The following TOP6BL variants were observed in gnomAD, a reference collection of about 807,000 sequenced individuals.
TOP6BL encodes the protein type 2 DNA topoisomerase 6 subunit B-like.
chr11:66,796,324 T>C, the TOP6BL span: 1 of 1,611,170 alleles, frequency 6.2e-7, no homozygotes, highest in Non-Finnish European at 8.5e-7. Flanking sequence ...TGTCTGGTTA[T>C]AAAGCATTTT....
the TOP6BL span, among the ~76,000 whole-genome samples, chr11:66,821,112 G>A: frequency 1.3e-5 from 2 of 152,000 alleles, no homozygotes; most frequent in South Asian, 2.1e-4. Context: ...TAAAGAACTC[G>A]GATTCCTCAG....
the TOP6BL span, among the ~76,000 whole-genome samples, chr11:66,797,033 T>C: frequency 2.0e-5 from 3 of 147,626 alleles, no homozygotes; most frequent in Non-Finnish European, 3.0e-5. Context: ...AGAGTCTTAC[T>C]CTGTTGCTTA....
the TOP6BL span, among the ~76,000 whole-genome samples, chr11:66,763,896 C>T: frequency 6.6e-6 from 1 of 152,192 alleles, no homozygotes; most frequent in African/African-American, 2.4e-5. Context: ...GTGAGCCACC[C>T]TGCCCAGCCA....
the TOP6BL span, chr11:66,839,258 A>G: frequency 1.1e-5 from 5 of 454,414 alleles, no homozygotes; most frequent in African/African-American, 8.0e-5. Context: ...TCTCAAAACT[A>G]TCCTAGGAGC....
the TOP6BL span, among the ~76,000 whole-genome samples, chr11:66,784,197 A>T: frequency 6.6e-6 from 1 of 150,576 alleles, no homozygotes; most frequent in Non-Finnish European, 1.5e-5. Context: ...AGCCTGGCTA[A>T]TTTTTTTTTG....
At chr11:66,811,202 C>T in the TOP6BL span, among the ~76,000 whole-genome samples, 1 of 152,142 alleles carries the variant, frequency 6.6e-6, no homozygotes, top group Admixed American at 6.6e-5. Flanking sequence ...GAGTCTCACT[C>T]TGTTGCCCAG....
the TOP6BL span, among the ~76,000 whole-genome samples, chr11:66,746,345 G>T: frequency 6.6e-6 from 1 of 151,986 alleles, no homozygotes; most frequent in Non-Finnish European, 1.5e-5. Context: ...TCAGCACTTT[G>T]GGAGACCGAG....
chr11:66,759,213 G>T, the TOP6BL span: 1 of 644,168 alleles, frequency 1.6e-6, no homozygotes. Context: ...TAAAAATACA[G>T]GATGCCCACT....
the TOP6BL span, chr11:66,843,407 A>C: frequency 7.0e-7 from 1 of 1,424,974 alleles, no homozygotes; most frequent in Non-Finnish European, 9.1e-7. Context: ...GACGTCACCC[A>C]CACCTCCCTG....
At chr11:66,772,118 T>A in the TOP6BL span, among the ~76,000 whole-genome samples, 1 of 152,162 alleles carries the variant, frequency 6.6e-6, no homozygotes, top group Non-Finnish European at 1.5e-5. Flanking sequence ...CCCTTATGGA[T>A]GACTTTGAGG....
chr11:66,839,759 CAGAAG>C, the TOP6BL span, among the ~76,000 whole-genome samples: 8 of 152,276 alleles, frequency 5.3e-5, no homozygotes, highest in African/African-American at 1.7e-4. Context: ...TTTATGCAGT[CAGAAG>C]AGACAAAGGA....
chr11:66,759,740 C>T, the TOP6BL span, among the ~76,000 whole-genome samples: 1 of 152,144 alleles, frequency 6.6e-6, no homozygotes, highest in Non-Finnish European at 1.5e-5. Context: ...CATGCTGCCA[C>T]ACCCAGCTAA....
chr11:66,828,794 A>C, the TOP6BL span: 1 of 159,534 alleles, frequency 6.3e-6, no homozygotes, highest in Non-Finnish European at 1.4e-5. Flanking sequence ...ACTACCAGCT[A>C]CACCTGGAAT....
chr11:66,821,800 T>C, the TOP6BL span: 1 of 1,606,036 alleles, frequency 6.2e-7, no homozygotes, highest in Admixed American at 1.7e-5. Context: ...TCTCCTATTC[T>C]CTAAGAAAAA....
chr11:66,772,815 A>G, the TOP6BL span, among the ~76,000 whole-genome samples: 2 of 152,166 alleles, frequency 1.3e-5, no homozygotes, highest in African/African-American at 4.8e-5. Flanking sequence ...GGATATGTGT[A>G]ATTTTCTTTT....
chr11:66,806,657 A>C, the TOP6BL span, among the ~76,000 whole-genome samples: 1 of 152,134 alleles, frequency 6.6e-6, no homozygotes, highest in South Asian at 2.1e-4. Context: ...AGTCCCAGCT[A>C]CTCGGGAGAC....
the TOP6BL span, among the ~76,000 whole-genome samples, chr11:66,837,071 T>C: frequency 6.6e-6 from 1 of 152,168 alleles, no homozygotes. Flanking sequence ...GTAAATGTCT[T>C]CTCCCATTCT....
chr11:66,779,942 T>A, the TOP6BL span, among the ~76,000 whole-genome samples: 1 of 139,414 alleles, frequency 7.2e-6, no homozygotes, highest in Admixed American at 8.3e-5. Flanking sequence ...TTCTCACTCA[T>A]AGGTGGGAAT....
the TOP6BL span, among the ~76,000 whole-genome samples, chr11:66,812,245 C>T: frequency 1.4e-5 from 2 of 146,186 alleles, no homozygotes; most frequent in Admixed American, 7.0e-5. Flanking sequence ...GGCGCAATCT[C>T]GGCTCACTGT....
Sources: allele counts gnomAD v4.1 joint callset (sites outside exome capture counted in the v4.1 genomes callset), GRCh38; gene constraint gnomAD v4.1.1; transcripts MANE v1.5; gene names NCBI Gene and HGNC (gene_info 2026-07-23, HGNC 2026-07-21).